MICU3: variants seen among roughly 807,000 people sequenced by gnomAD.
MICU3 encodes calcium uptake protein 3, mitochondrial.
In MICU3, 62 loss-of-function variants were observed where a neutral mutation model predicts 66.5. The observed-to-expected ratio is 0.93, with a 90% CI of 0.76 to 1.15. The LOEUF is 1.15. MICU3 is among the 50% of genes most tolerant of loss of function. The pLI is 0.00. For synonymous variants in MICU3, 308 were observed against 240.7 expected (o/e 1.28, Z -2.59); for missense variants, 779 against 664.4 (o/e 1.17, Z -1.90).
intron 9 of MICU3, chr8:17,102,809 G>A (rs1801384148): frequency 1.3e-5 from 2 of 152,038 alleles, no homozygotes; most frequent in South Asian, 2.1e-4. Context: ...CCTCAAAGAA[G>A]TTGGTTTTAT....
intron 1 of MICU3, 65 bp downstream of exon 1, chr8:17,027,725 C>A: frequency 8.0e-7 from 1 of 1,256,598 alleles, no homozygotes; most frequent in Non-Finnish European, 1.0e-6. Flanking sequence ...GTACGCAGGA[C>A]CCTGGAGGCT....
intron 6 of MICU3, 33 bp from the exon 7 acceptor site, chr8:17,086,930 TG>T: frequency 6.9e-7 from 1 of 1,447,992 alleles, no homozygotes; most frequent in Non-Finnish European, 9.7e-7. Flanking sequence ...AAACTCTTGT[TG>T]GATATTTGAT....
At chr8:17,115,394 G>A (rs1209600804) in intron 12 of MICU3, among the ~76,000 whole-genome samples, 1 of 152,110 alleles carries the variant, frequency 6.6e-6, no homozygotes, top group South Asian at 2.1e-4. Context: ...CTACAGACTA[G>A]CCATTACTGC....
intron 8 of MICU3, among the ~76,000 whole-genome samples, chr8:17,098,238 C>T (rs183930891): frequency 1.3e-5 from 2 of 151,722 alleles, no homozygotes; most frequent in African/African-American, 2.4e-5. Flanking sequence ...CTACATTGTA[C>T]TTACAAATAG....
At chr8:17,037,429 C>T (rs914457130) in intron 1 of MICU3, among the ~76,000 whole-genome samples, 2 of 152,198 alleles carry the variant, frequency 1.3e-5, no homozygotes, top group African/African-American at 2.4e-5. Context: ...GTGTCCCAGC[C>T]ATGGCCAAAA....
intron 1 of MICU3, among the ~76,000 whole-genome samples, chr8:17,059,256 T>A (rs1817463726): frequency 6.6e-6 from 1 of 152,216 alleles, no homozygotes; most frequent in South Asian, 2.1e-4. Context: ...TCTATTCTGA[T>A]GAAAACGTGA....
At chr8:17,132,631 G>C in the MICU3 span, 12 of 152,202 alleles carry the variant, frequency 7.9e-5, no homozygotes, top group Admixed American at 7.9e-4. Context: ...GTAGCATGAG[G>C]AGTCCAGAAT....
In MICU3 at chr8:17,122,269, A is replaced by G. The variant is rs756319719; in HGVS notation, c.*1982A>G. On this transcript the variant is annotated 3_prime_UTR_variant, in exon 15 of 15. Coordinates refer to ENST00000318063, the MANE Select transcript of MICU3 (RefSeq NM_181723.3). ...AGTAAATTACAGTGATTTCCATCATATTATCACTCTTGAATTTTATCATCT... is the reference window on the plus strand; with the variant it reads ...AGTAAATTACAGTGATTTCCATCATGTTATCACTCTTGAATTTTATCATCT... 8.6e-5 allele frequency: 13 copies of G among 151,856 alleles called. No individual in the cohort carries two copies. The highest frequency in any genetic ancestry group is 1.9e-4 in the Non-Finnish European group (13 of 67,754). 9.4% of individuals were successfully genotyped at this position (151,856 alleles called of 1,614,324 possible). A position where few individuals can be genotyped will look rare whatever the true frequency, so the allele number is the denominator to read the frequency against.
intron 14 of MICU3, among the ~76,000 whole-genome samples, chr8:17,120,023 G>C (rs763544011): frequency 2.0e-5 from 3 of 152,148 alleles, no homozygotes; most frequent in Non-Finnish European, 4.4e-5. Flanking sequence ...CCGACTTGTA[G>C]TATCACACTG....
At chr8:17,106,711 T>A (rs1801773923) in intron 11 of MICU3, among the ~76,000 whole-genome samples, 2 of 152,074 alleles carry the variant, frequency 1.3e-5, no homozygotes, top group South Asian at 4.1e-4. Flanking sequence ...TGCACGTGAA[T>A]CAAAATTAAT....
At position 17,116,590 on chromosome 8, in the gene MICU3, G is replaced by A; in HGVS notation, c.1514G>A (p.Arg505Lys). 6.4e-7 allele frequency: 1 copy of A among 1,559,750 alleles called. No individual in the cohort carries two copies. The highest frequency in any genetic ancestry group is 2.4e-5 in the East Asian group (1 of 42,194). The part of the protein sequence containing the change: ...FIGIMKDRLH[R>K]GFRGYKTVQK... Reference sequence around the variant, plus strand: ...GGAATTATGAAAGACAGACTCCATAGAGGATTCCGGGTAAACCTACACATT... The same window carrying A: ...GGAATTATGAAAGACAGACTCCATAAAGGATTCCGGGTAAACCTACACATT... The change falls in exon 13 of 15, where the codon AGA becomes AAA. Residue 505 changes from arginine (R) to lysine (K), a missense_variant. Arg to Lys is a conservative substitution (Grantham distance 26). Transcript: ENST00000318063.
At chr8:17,105,255 C>G (rs564158515) in intron 10 of MICU3, among the ~76,000 whole-genome samples, 158 bp from the exon 11 acceptor site, 16 of 152,110 alleles carry the variant, frequency 1.1e-4, no homozygotes, top group African/African-American at 3.9e-4. Flanking sequence ...ATCGTGTGTT[C>G]TTTTCATTCT....
chr8:17,102,205 A>T (rs1801324330), intron 9 of MICU3, among the ~76,000 whole-genome samples: 1 of 151,472 alleles, frequency 6.6e-6, no homozygotes, highest in Admixed American at 6.6e-5. Flanking sequence ...CTCCCACCCC[A>T]TTCCTCTAGC....
At chr8:17,089,382 A>G (rs1343702749) in intron 7 of MICU3, among the ~76,000 whole-genome samples, 1 of 152,062 alleles carries the variant, frequency 6.6e-6, no homozygotes. Flanking sequence ...TTTATTTTAT[A>G]TTACTTTAGT....
At chr8:17,107,440 C>T (rs375875042) in intron 11 of MICU3, among the ~76,000 whole-genome samples, 25 of 151,994 alleles carry the variant, frequency 1.6e-4, no homozygotes, top group South Asian at 4.1e-4. Flanking sequence ...AAATTGTAGG[C>T]GATGAGTAAG....
chr8:17,114,022 C>G (rs1029713721), intron 11 of MICU3, 71 bp from the exon 12 acceptor site: 3 of 955,612 alleles, frequency 3.1e-6, no homozygotes, highest in Non-Finnish European at 3.2e-6. Flanking sequence ...GTTTTTTTCT[C>G]TTATGTGTAG....
At position 17,116,885 on chromosome 8, in the gene MICU3, A is replaced by G. The variant is rs927745337; in HGVS notation, c.1524+285A>G. Among the ~76,000 whole-genome samples, 12 of 152,288 alleles carry G rather than the reference A, an allele frequency of 7.9e-5. 1 individual carries two copies. Among genetic ancestry groups the G allele is most frequent in the Admixed American group, 7.8e-4 (12 of 15,304 alleles). ...TTGTGGAAGAAAAATGTTGCCAAAT[A>G]TTTTCAAAAAATTTAGTCTGCATAT... On this transcript the variant is annotated intron_variant, in intron 13 of 14. Coordinates refer to ENST00000318063, the MANE Select transcript of MICU3 (RefSeq NM_181723.3).
intron 9 of MICU3, among the ~76,000 whole-genome samples, chr8:17,099,951 T>A (rs1801115288): frequency 6.6e-6 from 1 of 151,822 alleles, no homozygotes; most frequent in Non-Finnish European, 1.5e-5. Context: ...ATTTAAATCT[T>A]GGGAAGTTTA....
intron 11 of MICU3, among the ~76,000 whole-genome samples, chr8:17,109,015 C>T (rs926375210): frequency 6.6e-6 from 1 of 151,968 alleles, no homozygotes; most frequent in African/African-American, 2.4e-5. Context: ...AGCCACATGG[C>T]TCGTTATGCT....
Sources: gnomAD v4.1 joint callset for allele counts (sites outside exome capture counted in the v4.1 genomes callset) on GRCh38, gnomAD v4.1.1 for gene constraint, MANE v1.5 for transcripts, NCBI Gene and HGNC (gene_info 2026-07-23, HGNC 2026-07-21) for gene names.